Variants in FNDC3A observed in about 807,000 individuals in gnomAD.
The protein encoded by FNDC3A is fibronectin type-III domain-containing protein 3A.
Under a neutral mutation model 148.9 loss-of-function variants are expected in FNDC3A, and 32 were observed. The ratio of observed to expected loss-of-function variants is 0.21; its 90% CI spans 0.16 to 0.29. FNDC3A has a LOEUF of 0.29. FNDC3A is among the 10% of genes least tolerant of loss of function. FNDC3A has a pLI of 1.00. For missense variants in FNDC3A, 1,191 were observed against 1,452.8 expected, an observed-to-expected ratio of 0.82 and a Z score of 2.93; for synonymous variants, 472 against 473.6, an observed-to-expected ratio of 1.00 and a Z score of 0.04.
At chr13:49,183,558 A>G (rs1445208225) in intron 14 of FNDC3A, among the ~76,000 whole-genome samples, 1 of 152,206 alleles carries the variant, frequency 6.6e-6, no homozygotes, top group Non-Finnish European at 1.5e-5. Context: ...AAAGGAGACA[A>G]TGTTGAACTA....
At chr13:49,047,312 TC>T (rs1411369139) in intron 2 of FNDC3A, among the ~76,000 whole-genome samples, 5 of 152,266 alleles carry the variant, frequency 3.3e-5, no homozygotes, top group Admixed American at 1.3e-4. Context: ...TACAATGACT[TC>T]CTTTCCACTG....
At chr13:49,037,782 G>C (rs1007769377) in intron 2 of FNDC3A, among the ~76,000 whole-genome samples, 1 of 152,210 alleles carries the variant, frequency 6.6e-6, no homozygotes, top group Admixed American at 6.5e-5. Context: ...AGATGGGCAG[G>C]TGCAGGAGCC....
intron 2 of FNDC3A, among the ~76,000 whole-genome samples, chr13:49,060,605 C>G (rs1293098282): frequency 7.1e-6 from 1 of 140,934 alleles, no homozygotes; most frequent in Non-Finnish European, 1.5e-5. Context: ...GATTGTGCCA[C>G]TGCACTCCAG....
intron 2 of FNDC3A, among the ~76,000 whole-genome samples, chr13:49,073,468 C>G (rs1047073205): frequency 3.3e-5 from 5 of 151,704 alleles, no homozygotes; most frequent in Non-Finnish European, 5.9e-5. Flanking sequence ...TTTCTGAGCA[C>G]CAACATGATG....
At chr13:49,131,911 C>T (rs911541288) in intron 5 of FNDC3A, among the ~76,000 whole-genome samples, 1 of 152,196 alleles carries the variant, frequency 6.6e-6, no homozygotes, top group Non-Finnish European at 1.5e-5. Context: ...TTAAACAGTG[C>T]CAGACTTATT....
chr13:49,056,816 C>G (rs1224173623), intron 2 of FNDC3A, among the ~76,000 whole-genome samples: 1 of 151,864 alleles, frequency 6.6e-6, no homozygotes, highest in Non-Finnish European at 1.5e-5. Context: ...TTTTAAATTC[C>G]TTTTTGTGTC....
chr13:49,040,062 C>T (rs1014508930), intron 2 of FNDC3A, among the ~76,000 whole-genome samples: 2 of 152,126 alleles, frequency 1.3e-5, no homozygotes, highest in Non-Finnish European at 2.9e-5. Flanking sequence ...CATATGTCAT[C>T]GTAGGACACT....
intron 22 of FNDC3A, 37 bp from the exon 23 acceptor site, chr13:49,198,325 A>C (rs1398157925): frequency 6.2e-7 from 1 of 1,611,842 alleles, no homozygotes; most frequent in African/African-American, 1.3e-5. Context: ...TAAATAAAAC[A>C]ATCATAACCA....
chr13:49,180,065 C>T (rs1336432633), intron 14 of FNDC3A, among the ~76,000 whole-genome samples: 1 of 152,162 alleles, frequency 6.6e-6, no homozygotes, highest in Non-Finnish European at 1.5e-5. Flanking sequence ...AGATACATAT[C>T]TGTGTCTCTG....
chr13:49,163,925 G>C (rs1884312744), intron 8 of FNDC3A, among the ~76,000 whole-genome samples: 1 of 152,054 alleles, frequency 6.6e-6, no homozygotes, highest in Admixed American at 6.6e-5. Flanking sequence ...TTTCTGTAAT[G>C]GTACATTTGA....
intron 2 of FNDC3A, among the ~76,000 whole-genome samples, chr13:49,009,113 C>T (rs977109724): frequency 6.6e-6 from 1 of 152,126 alleles, no homozygotes; most frequent in Admixed American, 6.5e-5. Context: ...CTAAAAATCC[C>T]GTGCTTCACC....
At chr13:48,980,579 G>C (rs775481281) in intron 1 of FNDC3A, among the ~76,000 whole-genome samples, 2 of 152,150 alleles carry the variant, frequency 1.3e-5, no homozygotes, top group African/African-American at 2.4e-5. Context: ...ATTTTTTTAA[G>C]ATAAGTTATG....
chr13:49,087,483 C>T (rs893998413), intron 3 of FNDC3A, among the ~76,000 whole-genome samples: 7 of 151,986 alleles, frequency 4.6e-5, no homozygotes, highest in African/African-American at 1.7e-4. Flanking sequence ...CCTGTTTTCC[C>T]TTTTAGGAAA....
intron 10 of FNDC3A, among the ~76,000 whole-genome samples, chr13:49,169,590 A>T (rs188177519): frequency 4.6e-5 from 7 of 152,154 alleles, no homozygotes; most frequent in Non-Finnish European, 8.8e-5. Context: ...AGCCCCCACA[A>T]AATTTCAAAA....
intron 8 of FNDC3A, among the ~76,000 whole-genome samples, chr13:49,165,616 T>C (rs1219690774): frequency 6.6e-6 from 1 of 152,046 alleles, no homozygotes; most frequent in Non-Finnish European, 1.5e-5. Context: ...TGAGTACCAG[T>C]GTTAGCAAAT....
At chr13:49,182,080 C>T (rs1566311703) in intron 14 of FNDC3A, among the ~76,000 whole-genome samples, 1 of 152,172 alleles carries the variant, frequency 6.6e-6, no homozygotes, top group South Asian at 2.1e-4. Context: ...CTCCTGAGCT[C>T]AAGGGTTCCT....
chr13:49,027,304 A>G (rs1301421843), intron 2 of FNDC3A, among the ~76,000 whole-genome samples: 1 of 152,244 alleles, frequency 6.6e-6, no homozygotes, highest in Non-Finnish European at 1.5e-5. Context: ...TAAAACAGTT[A>G]GAAATGGCAG....
intron 2 of FNDC3A, among the ~76,000 whole-genome samples, chr13:49,015,543 A>C (rs934372055): frequency 1.3e-5 from 2 of 152,222 alleles, no homozygotes; most frequent in Non-Finnish European, 2.9e-5. Context: ...TGTCGTCTGC[A>C]AACGGGGACA....
chr13:49,081,006 T>C (rs951413454), intron 3 of FNDC3A, among the ~76,000 whole-genome samples: 1 of 152,180 alleles, frequency 6.6e-6, no homozygotes, highest in Non-Finnish European at 1.5e-5. Context: ...ACATAGAGAC[T>C]CTCAATAAAC....
Sources: gnomAD v4.1 joint callset for allele counts (sites outside exome capture counted in the v4.1 genomes callset) on GRCh38, gnomAD v4.1.1 for gene constraint, MANE v1.5 for transcripts, NCBI Gene and HGNC (gene_info 2026-07-23, HGNC 2026-07-21) for gene names.